The following ZNF418 variants were observed in gnomAD, a reference collection of about 807,000 sequenced individuals.
ZNF418 encodes zinc finger protein 418.
In ZNF418, 32 loss-of-function variants were observed where a neutral mutation model predicts 32.0. The observed-to-expected ratio is 1.00, with a 90% CI of 0.75 to 1.34. ZNF418 has a LOEUF of 1.34. Ranked by LOEUF, ZNF418 falls within the 40% of genes most tolerant of loss-of-function variation. ZNF418 has a pLI of 0.00. For synonymous variants in ZNF418, 276 were observed against 270.7 expected, an observed-to-expected ratio of 1.02 and a Z score of -0.19; for missense variants, 804 against 812.5, an observed-to-expected ratio of 0.99 and a Z score of 0.13.
rs1438460057 is a variant in ZNF418, at chr19:57,926,190, C to T, written c.1991G>A (p.Arg664Gln). Residue 664 changes from arginine to glutamine, a missense_variant, in exon 4 of 6, where the codon CGA (arginine) becomes CAA (glutamine). Transcript: ENST00000396147. The stretch of plus-strand genomic sequence containing the variant: ...TCTTTCTGTGTGAACTCTCTGATGT[C>T]GAAGGAGAGAAGAGCTTCGATGAAA... Reference protein sequence around the residue: ...KSFHRSSSLLRHQRVHTERSP... With the variant: ...KSFHRSSSLLQHQRVHTERSP... 5.0e-6 allele frequency: 8 copies of T among 1,613,636 alleles called. No homozygotes were observed. The East Asian group carries it at 8.9e-5, about 18-fold the overall frequency.
chr19:57,927,493 A>AT lies in ZNF418; in HGVS notation c.687dup (p.Cys230MetfsTer11). 1 of 1,614,224 alleles carries AT rather than the reference A, an allele frequency of 6.2e-7. No homozygotes were observed. Among genetic ancestry groups the AT allele is most frequent in the East Asian group, 2.2e-5 (1 of 44,884 alleles). On this transcript the variant is annotated frameshift_variant, in exon 4 of 6. Transcript: ENST00000396147. LOFTEE classifies it high-confidence loss of function. ...GATTTCCCACATTCCCAGCAATAAC[A>AT]TTCCTCTCTAGAGGGAAGTCTCTGC...
intron 2 of ZNF418, 102 bp from the exon 3 acceptor site, chr19:57,930,656 G>C: frequency 6.5e-7 from 1 of 1,545,502 alleles, no homozygotes; most frequent in South Asian, 1.2e-5. Flanking sequence ...CTCCTCCCAA[G>C]ATCCTCAGCA....
chr19:57,922,659 T>C (rs542889827), intron 5 of ZNF418, 30 bp from the exon 6 acceptor site: 88 of 398,472 alleles, frequency 2.2e-4, no homozygotes, highest in African/African-American at 1.7e-3. Context: ...AGTTATACAT[T>C]TGATACTTAA....
At position 57,927,490 on chromosome 19, in the gene ZNF418, A is replaced by C. The variant is rs2072291023; in HGVS notation, c.691T>G (p.Tyr231Asp). The C allele has an allele frequency of 6.2e-7, 1 of 1,614,246 alleles. No individual in the cohort carries two copies. Among genetic ancestry groups the C allele is most frequent in the African/African-American group, 1.3e-5 (1 of 75,068 alleles). ...AAGGATTTCCCACATTCCCAGCAAT[A>C]ACATTCCTCTCTAGAGGGAAGTCTC... ...QQRLPSREEC[Y>D]CWECGKSFSK... The change falls in exon 4 of 6, where the codon TAT (tyrosine) becomes GAT (aspartate). Residue 231 changes from tyrosine (Y) to aspartate (D), a missense_variant. By Grantham distance (160) the Tyr-to-Asp change is radical (BLOSUM62 -3). This residue lies in a region of ZNF418 where 307 missense variants were observed against 304.9 expected (regional missense o/e 1.01). Coordinates refer to ENST00000396147, the MANE Select transcript of ZNF418 (RefSeq NM_133460.3).
At chr19:57,933,296 C>T (rs2123071050) in intron 2 of ZNF418, among the ~76,000 whole-genome samples, 1 of 152,296 alleles carries the variant, frequency 6.6e-6, no homozygotes, top group East Asian at 1.9e-4. Context: ...AATCTAGTTA[C>T]CGACCGGGCT....
intron 4 of ZNF418, among the ~76,000 whole-genome samples, chr19:57,925,199 G>T (rs776558895): frequency 6.6e-6 from 1 of 152,160 alleles, no homozygotes; most frequent in South Asian, 2.1e-4. Context: ...GGTGGCTCAC[G>T]CCTGTAATCC....
intron 1 of ZNF418, chr19:57,934,694 G>A (rs2072623497): frequency 5.1e-6 from 1 of 196,676 alleles, no homozygotes; most frequent in Non-Finnish European, 1.0e-5. Context: ...TACCACCTAT[G>A]TGATCTATCA....
Position 57,927,294 on chromosome 19 carries a change from C to T in ZNF418, c.887G>A (p.Ser296Asn), listed in dbSNP as rs1425002536. The change falls in exon 4 of 6, where the codon AGT (serine) becomes AAT (asparagine). Residue 296 changes from serine (S) to asparagine (N), a missense_variant. By Grantham distance (46) the Ser-to-Asn change is conservative. Coordinates refer to ENST00000396147, the MANE Select transcript of ZNF418 (RefSeq NM_133460.3). Reference sequence around the variant, plus strand: ...ATGCTGAACAAGGCTGCCCTTATGACTAAAAGATTTCCCACATTCTCCACA... The same window carrying T: ...ATGCTGAACAAGGCTGCCCTTATGATTAAAAGATTTCCCACATTCTCCACA... ...YECGECGKSF[S>N]HKGSLVQHQR... 1 of 1,614,012 alleles carries T rather than the reference C, an allele frequency of 6.2e-7. No homozygotes were observed. Among genetic ancestry groups the T allele is most frequent in the African/African-American group, 1.3e-5 (1 of 74,910 alleles).
intron 1 of ZNF418, 165 bp from the exon 2 acceptor site, chr19:57,934,067 G>A (rs190398478): frequency 1.0e-4 from 147 of 1,434,284 alleles, no homozygotes; most frequent in Admixed American, 1.3e-4. Context: ...CATACATCCT[G>A]TGTCATGGAC....
chr19:57,934,988 G>A, intron 1 of ZNF418, 173 bp downstream of exon 1: 1 of 1,427,442 alleles, frequency 7.0e-7, no homozygotes, highest in Non-Finnish European at 9.3e-7. Context: ...CCCTGTGCCT[G>A]TCGCTCTCCC....
chr19:57,925,460 CAAA>C (rs34948790), intron 4 of ZNF418, among the ~76,000 whole-genome samples, 160 bp downstream of exon 4: 8 of 118,220 alleles, frequency 6.8e-5, no homozygotes, highest in Non-Finnish European at 8.9e-5. Flanking sequence ...GACTCTGTCT[CAAA>C]AAAAAAAAAA....
chr19:57,929,429 A>G (rs898076430), intron 3 of ZNF418, among the ~76,000 whole-genome samples: 1 of 152,194 alleles, frequency 6.6e-6, no homozygotes, highest in Non-Finnish European at 1.5e-5. Flanking sequence ...GATGAAGTAC[A>G]TGGAACCTGG....
At chr19:57,934,142 A>G in intron 1 of ZNF418, 1 of 1,318,622 alleles carries the variant, frequency 7.6e-7, no homozygotes, top group South Asian at 1.8e-5. Context: ...AATGGCAAGT[A>G]AGAGTCCCAG....
intron 1 of ZNF418, 53 bp downstream of exon 1, chr19:57,935,108 T>C: frequency 7.8e-7 from 1 of 1,276,170 alleles, no homozygotes; most frequent in Non-Finnish European, 1.0e-6. Flanking sequence ...CTCTCGCTGC[T>C]TCAGGATTCG....
At position 57,926,438 on chromosome 19, in the gene ZNF418, G is replaced by A. The variant is rs763960202; in HGVS notation, c.1743C>T (p.His581=). Residue 581 remains histidine, a synonymous_variant, in exon 4 of 6, where the codon CAC becomes CAT. Transcript: ENST00000396147. ...CGKFFSSLLE[H]RRVHTGERPY... The stretch of plus-strand genomic sequence containing the variant: ...GCCTTTCTCCAGTGTGAACTCTCCT[G>A]TGTTCAAGGAGACTGGAGAAGAATT... 32 of 1,613,074 alleles carry A rather than the reference G, an allele frequency of 2.0e-5. No individual in the cohort carries two copies. The Admixed American group carries it at 2.8e-4, about 14-fold the overall frequency.
rs754705254 is a variant in ZNF418 at position 57,926,642 on chromosome 19, A to T, written c.1539T>A (p.Ser513Arg). The T allele has an allele frequency of 1.9e-5, 31 of 1,613,756 alleles. No homozygotes were observed. Among genetic ancestry groups the T allele is most frequent in the Non-Finnish European group, 2.5e-5 (30 of 1,179,938 alleles). ...VHTGEKPFEC[S>R]ECGKSFPQSC... ...TTTGAGGAAATGACTTCCCACATTC[A>T]CTACACTCAAACGGTTTTTCTCCAG... The change falls in exon 4 of 6, where the codon AGT becomes AGA. Residue 513 changes from serine (S) to arginine (R), a missense_variant. This residue lies in a region of ZNF418 where 475 missense variants were observed against 458.6 expected (regional missense o/e 1.04). Coordinates refer to ENST00000396147, the MANE Select transcript of ZNF418 (RefSeq NM_133460.3).
rs2072267901 is a variant in ZNF418 at position 57,927,098 on chromosome 19, T to C, written c.1083A>G (p.Gln361=). The C allele has an allele frequency of 2.5e-6, 4 of 1,612,588 alleles. No individual in the cohort carries two copies. Among genetic ancestry groups the C allele is most frequent in the Non-Finnish European group, 3.4e-6 (4 of 1,179,660 alleles). The change falls in exon 4 of 6, where the codon CAA becomes CAG. Residue 361 remains glutamine, a synonymous_variant. Transcript: ENST00000396147. The part of the protein sequence containing the change: ...FTQKGNLIQH[Q]RGHTSERPYE... ...AAGGTCTTTCACTAGTGTGACCTCG[T>C]TGATGTTGAATGAGATTGCCCTTCT...
At position 57,924,049 on chromosome 19, in the gene ZNF418, G is replaced by A. The variant is rs142094464; in HGVS notation, c.*528-760C>T. On this transcript the variant is annotated intron_variant, in intron 4 of 5. Coordinates refer to ENST00000396147, the MANE Select transcript of ZNF418 (RefSeq NM_133460.3). The stretch of plus-strand genomic sequence containing the variant: ...TAATCCCAGCACTTTGGGAGGCTGA[G>A]GGAAAAGGATTGCTTGAGGAGTTCG... Among the ~76,000 whole-genome samples the A allele has an allele frequency of 6.1e-3, 923 of 152,122 alleles. 15 individuals carry two copies. Among genetic ancestry groups the A allele is most frequent in the African/African-American group, 0.021 (854 of 41,482 alleles).
At position 57,922,189 on chromosome 19, in the gene ZNF418, T is replaced by G. The variant is rs77197607; in HGVS notation, c.*1066A>C. ...TGTCAGATATATCTGTTATACAGTGTCGAACTCCTGGCCTCCAGGATGTTC... is the reference window on the plus strand; with the variant it reads ...TGTCAGATATATCTGTTATACAGTGGCGAACTCCTGGCCTCCAGGATGTTC... On this transcript the variant is annotated 3_prime_UTR_variant, in exon 6 of 6. Coordinates refer to ENST00000396147, the MANE Select transcript of ZNF418 (RefSeq NM_133460.3). 1,405 of 162,376 alleles carry G rather than the reference T, an allele frequency of 8.7e-3. 14 individuals are homozygous for G. The highest frequency in any genetic ancestry group is 0.041 in the East Asian group (239 of 5,876). The allele number at this position is 162,376 out of a possible 1,614,324, so 10.1% of individuals were successfully genotyped here. A position where few individuals can be genotyped will look rare whatever the true frequency, so the allele number is the denominator to read the frequency against.
Sources: gnomAD v4.1 joint callset for allele counts (sites outside exome capture counted in the v4.1 genomes callset) on GRCh38, gnomAD v4.1.1 for gene constraint, gnomAD v4.1.1 regional missense constraint, MANE v1.5 for transcripts, NCBI Gene and HGNC (gene_info 2026-07-23, HGNC 2026-07-21) for gene names.